The following ITGB8 variants were observed in gnomAD, a reference collection of about 807,000 sequenced individuals.
ITGB8 encodes the protein integrin beta-8.
A neutral mutation model predicts 89.5 loss-of-function variants in ITGB8; 30 were observed. The ratio of observed to expected loss-of-function variants is 0.34; its 90% CI spans 0.25 to 0.45. The LOEUF is 0.45. ITGB8 is among the 20% of genes least tolerant of loss of function. The pLI, the probability that ITGB8 is intolerant of heterozygous loss-of-function variation, is 1.00. For missense variants in ITGB8, 836 were observed against 933.3 expected, an observed-to-expected ratio of 0.90 and a Z score of 1.36; for synonymous variants, 335 against 320.4, an observed-to-expected ratio of 1.05 and a Z score of -0.49.
chr7:20,394,792 T>C, intron 7 of ITGB8, 104 bp from the exon 8 acceptor site: 1 of 770,060 alleles, frequency 1.3e-6, no homozygotes, highest in Non-Finnish European at 2.2e-6. Flanking sequence ...ATTCATTTAA[T>C]GGTTCACCTT....
At chr7:20,390,526 CAA>C (rs1397191934) in intron 6 of ITGB8, among the ~76,000 whole-genome samples, 1 of 152,030 alleles carries the variant, frequency 6.6e-6, no homozygotes, top group Non-Finnish European at 1.5e-5. Flanking sequence ...CTCATTACCA[CAA>C]AGAGTGCCAC....
chr7:20,398,830 G>A (rs200571708), intron 8 of ITGB8, 30 bp from the exon 9 acceptor site: 98 of 1,494,076 alleles, frequency 6.6e-5, no homozygotes, highest in African/African-American at 3.6e-4. Flanking sequence ...AACTACTCTC[G>A]TATGTAATTT....
chr7:20,386,455 T>C (rs886586362), intron 6 of ITGB8, among the ~76,000 whole-genome samples: 4 of 149,014 alleles, frequency 2.7e-5, no homozygotes, highest in Non-Finnish European at 5.9e-5. Context: ...AGACGGGGTT[T>C]CACTGTGTTA....
chr7:20,382,186 G>A, intron 6 of ITGB8: 2 of 219,326 alleles, frequency 9.1e-6, no homozygotes, highest in Non-Finnish European at 1.8e-5. Flanking sequence ...TCTAAGACAG[G>A]GGAAAAAAGT....
rs528892845 is a variant in ITGB8, at chr7:20,412,721, G to T, written c.*2724G>T. On this transcript the variant is annotated 3_prime_UTR_variant, in exon 14 of 14. Coordinates refer to ENST00000222573, the MANE Select transcript of ITGB8 (RefSeq NM_002214.3). ...CTTAAAAAGCTAATTTTTAAAGATTGTAGGGCTTGTATTTTACTTGAATAA... is the reference window on the plus strand; with the variant it reads ...CTTAAAAAGCTAATTTTTAAAGATTTTAGGGCTTGTATTTTACTTGAATAA... The T allele has an allele frequency of 6.6e-6, 1 of 152,638 alleles. No homozygotes were observed. Among genetic ancestry groups the T allele is most frequent in the East Asian group, 1.9e-4 (1 of 5,182 alleles). The allele number at this position is 152,638 out of a possible 1,614,324, so 9.5% of individuals were successfully genotyped here.
chr7:20,356,089 A>G (rs1785284145), intron 1 of ITGB8, among the ~76,000 whole-genome samples: 1 of 152,104 alleles, frequency 6.6e-6, no homozygotes, highest in South Asian at 2.1e-4. Context: ...AGAGCTTTCT[A>G]TGTTTCCTCC....
intron 3 of ITGB8, among the ~76,000 whole-genome samples, chr7:20,374,355 A>T (rs561726236): frequency 2.0e-5 from 3 of 152,328 alleles, no homozygotes; most frequent in South Asian, 4.1e-4. Context: ...AGATGAAGAA[A>T]CAGTTCTTAC....
At chr7:20,378,805 T>A (rs963832416) in intron 3 of ITGB8, among the ~76,000 whole-genome samples, 1 of 152,172 alleles carries the variant, frequency 6.6e-6, no homozygotes, top group African/African-American at 2.4e-5. Context: ...ATTCAGCCTA[T>A]AGAATTGTGG....
At position 20,339,754 on chromosome 7, in the gene ITGB8, G is replaced by A. The variant is rs561392889; in HGVS notation, c.127+7821G>A. 1.2e-4 allele frequency among the ~76,000 whole-genome samples: 19 copies of A among 152,282 alleles called. No homozygotes were observed. In the South Asian group the frequency reaches 2.3e-3, roughly 18 times the overall value. ...ACTAAAAGTTCATTTTAGGCCAGGCGCGGTGGCTCACATCTGTAATCTCAG... is the reference window on the plus strand; with the variant it reads ...ACTAAAAGTTCATTTTAGGCCAGGCACGGTGGCTCACATCTGTAATCTCAG... On this transcript the variant is annotated intron_variant, in intron 1 of 13. Coordinates refer to ENST00000222573, the MANE Select transcript of ITGB8 (RefSeq NM_002214.3).
At chr7:20,403,940 G>C (rs1787424342) in intron 10 of ITGB8, among the ~76,000 whole-genome samples, 1 of 152,166 alleles carries the variant, frequency 6.6e-6, no homozygotes, top group South Asian at 2.1e-4. Flanking sequence ...ATTTAACTAT[G>C]TGTAACTATG....
intron 7 of ITGB8, among the ~76,000 whole-genome samples, chr7:20,393,729 T>C (rs1032423213): frequency 6.6e-6 from 1 of 152,158 alleles, no homozygotes; most frequent in Non-Finnish European, 1.5e-5. Context: ...GTGCCTTTGT[T>C]CTTGCTGCCC....
intron 8 of ITGB8, among the ~76,000 whole-genome samples, chr7:20,397,087 T>G (rs981380361): frequency 5.3e-5 from 8 of 152,198 alleles, no homozygotes; most frequent in Non-Finnish European, 1.2e-4. Flanking sequence ...TCTGTACCTA[T>G]TAGATACTAA....
intron 3 of ITGB8, among the ~76,000 whole-genome samples, chr7:20,375,464 G>A (rs555786857): frequency 2.0e-5 from 3 of 152,144 alleles, no homozygotes; most frequent in South Asian, 4.1e-4. Context: ...ACATTTACTT[G>A]TATTCCAAAA....
intron 9 of ITGB8, chr7:20,399,195 G>C (rs1211606027): frequency 1.8e-6 from 1 of 553,848 alleles, no homozygotes; most frequent in African/African-American, 1.9e-5. Context: ...CAACTCTCAG[G>C]TTTTAATATG....
chr7:20,391,906 C>A (rs941778379), intron 7 of ITGB8, among the ~76,000 whole-genome samples: 6 of 152,130 alleles, frequency 3.9e-5, no homozygotes, highest in Non-Finnish European at 8.8e-5. Flanking sequence ...TAGAGAATAT[C>A]AGCTTAATTC....
chr7:20,375,175 C>A (rs1786087587), intron 3 of ITGB8, among the ~76,000 whole-genome samples: 2 of 151,836 alleles, frequency 1.3e-5, no homozygotes, highest in South Asian at 4.2e-4. Flanking sequence ...CCTGATTTTA[C>A]CTTGTGTTTG....
At chr7:20,332,091 C>CT in intron 1 of ITGB8, 158 bp downstream of exon 1, 2 of 1,398,842 alleles carry the variant, frequency 1.4e-6, no homozygotes, top group Non-Finnish European at 1.9e-6. Flanking sequence ...CACAGATGGC[C>CT]TAGAGGCCAG....
At chr7:20,355,999 A>T (rs1017422688) in intron 1 of ITGB8, among the ~76,000 whole-genome samples, 4 of 152,136 alleles carry the variant, frequency 2.6e-5, no homozygotes, top group African/African-American at 9.7e-5. Flanking sequence ...GTTTTGAGGG[A>T]TCATCTCAGA....
chr7:20,374,430 G>A (rs780564001), intron 3 of ITGB8, among the ~76,000 whole-genome samples: 4 of 151,388 alleles, frequency 2.6e-5, no homozygotes, highest in Non-Finnish European at 5.9e-5. Context: ...TTACTATATA[G>A]GCAATACTAG....
Sources: allele counts gnomAD v4.1 joint callset (sites outside exome capture counted in the v4.1 genomes callset), GRCh38; gene constraint gnomAD v4.1.1; transcripts MANE v1.5; gene names NCBI Gene and HGNC (gene_info 2026-07-23, HGNC 2026-07-21).